Variants in IL1RAPL2 observed in about 807,000 individuals in gnomAD.
IL1RAPL2 encodes interleukin 1 receptor accessory protein like 2, also known as X-linked interleukin-1 receptor accessory protein-like 2.
Under a neutral mutation model 44.1 loss-of-function variants are expected in IL1RAPL2, and 3 were observed. The observed-to-expected ratio is 0.07, with a 90% CI of 0.03 to 0.18. The LOEUF is 0.18. Ranked by LOEUF, IL1RAPL2 falls within the 10% of genes least tolerant of loss-of-function variation. The pLI is 1.00. For missense variants in IL1RAPL2, 391 were observed against 496.4 expected (o/e 0.79, Z 2.02); for synonymous variants, 181 against 178.8 (o/e 1.01, Z -0.10).
At chrX:104,788,379 A>C (rs1176906245) in intron 2 of IL1RAPL2, among the ~76,000 whole-genome samples, 1 of 112,005 alleles carries the variant, frequency 8.9e-6, no homozygotes, top group Non-Finnish European at 1.9e-5. Flanking sequence ...GCCTGCCTTT[A>C]GGGAAGAATA....
chrX:104,771,738 C>T (rs1932644865), intron 2 of IL1RAPL2, among the ~76,000 whole-genome samples: 1 of 111,431 alleles, frequency 9.0e-6, no homozygotes, highest in Non-Finnish European at 1.9e-5. Flanking sequence ...GGCAGGGCTG[C>T]TTGTGCTCAG....
intron 2 of IL1RAPL2, among the ~76,000 whole-genome samples, chrX:104,742,591 C>T (rs5917135): frequency 0.34 from 37,252 of 110,389 alleles, 5,449 homozygotes; most frequent in East Asian, 0.46. Flanking sequence ...GTGCCAAGTC[C>T]ATAGAAAGCA....
chrX:105,707,887 T>C (rs1221329004), intron 6 of IL1RAPL2, among the ~76,000 whole-genome samples: 1 of 111,086 alleles, frequency 9.0e-6, no homozygotes, highest in Non-Finnish European at 1.9e-5. Context: ...GATGGCTTCA[T>C]GGTATCGGTG....
chrX:105,676,443 A>T (rs2037873969), intron 6 of IL1RAPL2, among the ~76,000 whole-genome samples: 1 of 111,820 alleles, frequency 8.9e-6, no homozygotes, highest in Non-Finnish European at 1.9e-5. Flanking sequence ...TGAGCTGATT[A>T]TGAAGAGACC....
At chrX:104,814,099 C>A (rs936227047) in intron 2 of IL1RAPL2, among the ~76,000 whole-genome samples, 5 of 111,378 alleles carry the variant, frequency 4.5e-5, no homozygotes, top group Admixed American at 9.6e-5. Context: ...ACCCTGTTCT[C>A]AGTAACAGGG....
chrX:104,853,467 G>A (rs1157041949), intron 2 of IL1RAPL2, among the ~76,000 whole-genome samples: 3 of 111,070 alleles, frequency 2.7e-5, no homozygotes, highest in Admixed American at 9.6e-5. Flanking sequence ...TAGCCGATAA[G>A]GAATGATGAA....
chrX:104,870,153 A>G (rs759340982), intron 2 of IL1RAPL2, among the ~76,000 whole-genome samples: 1 of 112,149 alleles, frequency 8.9e-6, no homozygotes, highest in South Asian at 3.7e-4. Context: ...AGTCAGTGCT[A>G]TGTATAAGAA....
At chrX:105,376,661 G>A (rs1482143914) in intron 5 of IL1RAPL2, among the ~76,000 whole-genome samples, 6 of 111,791 alleles carry the variant, frequency 5.4e-5, no homozygotes, top group African/African-American at 1.9e-4. Flanking sequence ...AAATAAATAT[G>A]TATTTCTGTT....
chrX:105,724,872 G>A (rs2147560226), intron 7 of IL1RAPL2, among the ~76,000 whole-genome samples: 1 of 111,348 alleles, frequency 9.0e-6, no homozygotes, highest in Admixed American at 9.6e-5. Context: ...CTGCTGCAAA[G>A]GAGGATCAGA....
intron 3 of IL1RAPL2, among the ~76,000 whole-genome samples, chrX:105,232,260 C>T (rs1224057564): frequency 9.0e-6 from 1 of 111,695 alleles, no homozygotes; most frequent in African/African-American, 3.3e-5. Context: ...GCATCGCCAT[C>T]TGGATTCCTG....
intron 2 of IL1RAPL2, among the ~76,000 whole-genome samples, chrX:104,777,783 T>C (rs1932744318): frequency 9.1e-6 from 1 of 109,766 alleles, no homozygotes; most frequent in Non-Finnish European, 1.9e-5. Flanking sequence ...CGTTTCACCA[T>C]GTTGGCCAGG....
At chrX:105,739,810 C>A (rs762626825) in intron 7 of IL1RAPL2, among the ~76,000 whole-genome samples, 13 of 96,395 alleles carry the variant, frequency 1.3e-4, no homozygotes, top group African/African-American at 5.0e-4. Context: ...AGTAAACATA[C>A]GTGTGCATGT....
At chrX:104,887,254 A>G (rs1363666289) in intron 2 of IL1RAPL2, among the ~76,000 whole-genome samples, 1 of 112,319 alleles carries the variant, frequency 8.9e-6, no homozygotes, top group African/African-American at 3.2e-5. Context: ...CAGGGACAGA[A>G]ACAGCCTTCA....
chrX:105,517,660 A>AAAAAAC (rs1255387442), intron 6 of IL1RAPL2, among the ~76,000 whole-genome samples: 1 of 111,320 alleles, frequency 9.0e-6, no homozygotes, highest in Admixed American at 9.6e-5. Flanking sequence ...TGTCATTCAA[A>AAAAAAC]AAAAACAAAA....
chrX:105,170,060 A>T (rs1387888427), intron 2 of IL1RAPL2, among the ~76,000 whole-genome samples: 1 of 111,037 alleles, frequency 9.0e-6, no homozygotes, highest in East Asian at 2.8e-4. Context: ...ATGAAGGATC[A>T]AAAGCAAATA....
At chrX:105,033,385 T>C (rs989621824) in intron 2 of IL1RAPL2, among the ~76,000 whole-genome samples, 4 of 111,826 alleles carry the variant, frequency 3.6e-5, no homozygotes, top group Non-Finnish European at 7.5e-5. Flanking sequence ...CCATGTTTAT[T>C]GCTTCCTTCA....
intron 6 of IL1RAPL2, among the ~76,000 whole-genome samples, chrX:105,659,440 G>A (rs2037702611): frequency 2.7e-5 from 3 of 110,114 alleles, no homozygotes; most frequent in Admixed American, 9.7e-5. Context: ...GGCGGATCAC[G>A]AGGTCAGCAG....
chrX:105,441,624 C>T (rs780681880), intron 5 of IL1RAPL2, among the ~76,000 whole-genome samples: 11 of 111,543 alleles, frequency 9.9e-5, no homozygotes, highest in Non-Finnish European at 1.1e-4. Flanking sequence ...AAGATTCAAA[C>T]GTTCTCTCAT....
At chrX:105,466,863 GC>G (rs1296822724) in intron 5 of IL1RAPL2, among the ~76,000 whole-genome samples, 1 of 111,729 alleles carries the variant, frequency 9.0e-6, no homozygotes, top group Non-Finnish European at 1.9e-5. Context: ...TCTGGCGCGG[GC>G]CTTTTTGTTG....
Sources: gnomAD v4.1 joint callset for allele counts (sites outside exome capture counted in the v4.1 genomes callset) on GRCh38, gnomAD v4.1.1 for gene constraint, MANE v1.5 for transcripts, NCBI Gene and HGNC (gene_info 2026-07-23, HGNC 2026-07-21) for gene names.